The following ACSM6 variants were observed in gnomAD, a reference collection of about 807,000 sequenced individuals.
ACSM6 encodes the protein acyl-coenzyme A synthetase ACSM6, mitochondrial.
Under a neutral mutation model 51.1 loss-of-function variants are expected in ACSM6, and 35 were observed. The observed-to-expected ratio is 0.69, with a 90% CI of 0.52 to 0.91. ACSM6 has a LOEUF of 0.91. Ranked by LOEUF, ACSM6 falls within the 40% of genes least tolerant of loss-of-function variation. The probability of loss-of-function intolerance (pLI) is 0.00; values close to 1 mark genes in which losing one functional copy is unlikely to be tolerated. For missense variants in ACSM6, 509 were observed against 584.1 expected, an observed-to-expected ratio of 0.87 and a Z score of 1.32; for synonymous variants, 172 against 207.3, an observed-to-expected ratio of 0.83 and a Z score of 1.46.
At chr10:95,215,491 T>C (rs2034935365) in intron 8 of ACSM6, among the ~76,000 whole-genome samples, 1 of 152,254 alleles carries the variant, frequency 6.6e-6, no homozygotes, top group East Asian at 1.9e-4. Context: ...GACAGTTAGA[T>C]TGGAACAGGA....
At chr10:95,204,126 G>A (rs2034819859) in intron 3 of ACSM6, among the ~76,000 whole-genome samples, 1 of 152,158 alleles carries the variant, frequency 6.6e-6, no homozygotes, top group African/African-American at 2.4e-5. Flanking sequence ...TACGCAGAGT[G>A]ATTTCCTTAG....
At chr10:95,202,308 C>A in intron 3 of ACSM6, 113 bp downstream of exon 3, 3 of 983,248 alleles carry the variant, frequency 3.1e-6, no homozygotes, top group Non-Finnish European at 4.7e-6. Flanking sequence ...GAATTCTTCC[C>A]ACAGTGTGGG....
intron 4 of ACSM6, 126 bp downstream of exon 4, chr10:95,207,541 T>G (rs815250): frequency 0.52 from 491,513 of 948,882 alleles, 135,903 homozygotes; most frequent in Middle Eastern, 0.62. Flanking sequence ...TATGCAAGAT[T>G]AGATGATGTA....
chr10:95,227,660 C>G (rs1005617381), intron 10 of ACSM6, among the ~76,000 whole-genome samples: 4 of 152,238 alleles, frequency 2.6e-5, no homozygotes, highest in African/African-American at 9.6e-5. Flanking sequence ...TGAGAATGAG[C>G]TGCTTACACA....
At position 95,207,330 on chromosome 10, in the gene ACSM6, G is replaced by A. The variant is rs138475859; in HGVS notation, c.526G>A (p.Val176Met). 1.1e-4 allele frequency: 175 copies of A among 1,614,022 alleles called. No homozygotes were observed. The highest frequency in any genetic ancestry group is 1.3e-4 in the African/African-American group (10 of 74,912). The change falls in exon 4 of 11, where the codon GTG becomes ATG. Residue 176 changes from valine (V) to methionine (M), a missense_variant. Val to Met is a conservative substitution (Grantham distance 21). Transcript: ENST00000341686. ...TATGGCCCCAGTTGTAAACTCTGCC[G>A]TGTCCGACTGCCCCACCTTGAAAAC...
intron 2 of ACSM6, among the ~76,000 whole-genome samples, chr10:95,197,569 A>C (rs1471541446): frequency 6.6e-6 from 1 of 152,194 alleles, no homozygotes; most frequent in Non-Finnish European, 1.5e-5. Flanking sequence ...TGGAGTAAAG[A>C]ATAACAAGGA....
At chr10:95,214,975 T>G (rs2034930398) in exon 8 of ACSM6, 1 of 1,551,314 alleles carries the variant, frequency 6.4e-7, no homozygotes, top group Non-Finnish European at 8.7e-7. Flanking sequence ...AGACGGAAAC[T>G]GTAGGTTGAT....
At chr10:95,204,507 T>C (rs1487741362) in intron 3 of ACSM6, among the ~76,000 whole-genome samples, 1 of 152,094 alleles carries the variant, frequency 6.6e-6, no homozygotes, top group Non-Finnish European at 1.5e-5. Context: ...TCAGCCAAGA[T>C]CACGCCACTG....
exon 9 of ACSM6, chr10:95,219,896 A>T: frequency 6.2e-7 from 1 of 1,613,262 alleles, no homozygotes; most frequent in South Asian, 1.1e-5. Context: ...AACAGGGTCT[A>T]CTCTGTGCCA....
chr10:95,200,240 C>T (rs1203493020), intron 2 of ACSM6, among the ~76,000 whole-genome samples: 2 of 150,768 alleles, frequency 1.3e-5, no homozygotes, highest in African/African-American at 2.4e-5. Context: ...AGCAAACTAT[C>T]GCAAGGACAA....
At chr10:95,201,715 G>A in intron 2 of ACSM6, 1 of 543,884 alleles carries the variant, frequency 1.8e-6, no homozygotes, top group Non-Finnish European at 3.4e-6. Flanking sequence ...TGCCATCCTG[G>A]GCAGGGCTGG....
chr10:95,215,272 G>C (rs10509683), intron 8 of ACSM6, among the ~76,000 whole-genome samples: 54,327 of 152,062 alleles, frequency 0.36, 10,129 homozygotes, highest in Non-Finnish European at 0.39. Flanking sequence ...ATGAAAAAAT[G>C]ATGGGGTACA....
chr10:95,225,353 A>C, exon 10 of ACSM6: 1 of 1,551,694 alleles, frequency 6.4e-7, no homozygotes, highest in Non-Finnish European at 8.7e-7. Flanking sequence ...AATCCGCATA[A>C]AACTAAACCA....
chr10:95,211,128 T>C (rs2034889145), intron 5 of ACSM6, among the ~76,000 whole-genome samples: 1 of 152,206 alleles, frequency 6.6e-6, no homozygotes, highest in Non-Finnish European at 1.5e-5. Flanking sequence ...GACCACTATA[T>C]GTAGTGATAA....
exon 11 of ACSM6, chr10:95,228,762 A>G: frequency 3.2e-6 from 5 of 1,551,594 alleles, no homozygotes; most frequent in East Asian, 2.4e-5. Flanking sequence ...GATGTTGCCA[A>G]TGCATTGGGT....
At chr10:95,200,528 G>GGAA (rs752756946) in intron 2 of ACSM6, among the ~76,000 whole-genome samples, 5 of 148,208 alleles carry the variant, frequency 3.4e-5, no homozygotes, top group Non-Finnish European at 7.4e-5. Context: ...AGGAAGAATA[G>GGAA]GAAGAAGAAG....
intron 8 of ACSM6, among the ~76,000 whole-genome samples, chr10:95,218,809 C>T (rs2034967522): frequency 6.6e-6 from 1 of 152,170 alleles, no homozygotes; most frequent in African/African-American, 2.4e-5. Context: ...TTAAAGGAAC[C>T]ATAAAACTAG....
At position 95,207,516 on chromosome 10, in the gene ACSM6, C is replaced by G. The variant is rs1426210444; in HGVS notation, c.611+101C>G. 4.2e-5 allele frequency: 51 copies of G among 1,220,614 alleles called. 1 individual carries two copies. The South Asian group carries it at 5.0e-4, about 12-fold the overall frequency. The allele number at this position is 1,220,614 out of a possible 1,614,324, so 75.6% of individuals were successfully genotyped here. On this transcript the variant is annotated intron_variant, in intron 4 of 10. Coordinates refer to ENST00000341686, the Ensembl canonical transcript of ACSM6. ...TGGTGTGAGTGGTCAGAATGAAAAG[C>G]TGAATGGCAATTTCTATGCAAGATT...
At chr10:95,205,619 TG>T (rs1040462415) in intron 3 of ACSM6, among the ~76,000 whole-genome samples, 2 of 152,132 alleles carry the variant, frequency 1.3e-5, no homozygotes, top group African/African-American at 2.4e-5. Context: ...CAAAGACAAA[TG>T]CCAAAATCGA....
Sources: allele counts gnomAD v4.1 joint callset (sites outside exome capture counted in the v4.1 genomes callset), GRCh38; gene constraint gnomAD v4.1.1; transcripts MANE v1.5; gene names NCBI Gene and HGNC (gene_info 2026-07-23, HGNC 2026-07-21).